The following KLHL1 variants were observed in gnomAD, a reference collection of about 807,000 sequenced individuals.
KLHL1 encodes kelch-like protein 1.
In KLHL1, 47 loss-of-function variants were observed where a neutral mutation model predicts 77.7. The observed-to-expected ratio is 0.60, with a 90% CI of 0.48 to 0.77. The LOEUF (loss-of-function observed/expected upper bound fraction) is 0.77. KLHL1 is among the 30% of genes least tolerant of loss of function. The pLI, the probability that KLHL1 is intolerant of heterozygous loss-of-function variation, is 0.00. For missense variants in KLHL1, 925 were observed against 910.8 expected, an observed-to-expected ratio of 1.02 and a Z score of -0.20; for synonymous variants, 360 against 325.2, an observed-to-expected ratio of 1.11 and a Z score of -1.15.
chr13:69,737,624 C>T lies in KLHL1; in HGVS notation c.1802+2770G>A, dbSNP rs1225573665. Among the ~76,000 whole-genome samples, 3 of 152,134 alleles carry T rather than the reference C, an allele frequency of 2.0e-5. No individual in the cohort carries two copies. The East Asian group carries it at 5.8e-4, about 29-fold the overall frequency. On this transcript the variant is annotated intron_variant, in intron 8 of 10. Coordinates refer to ENST00000377844, the MANE Select transcript of KLHL1 (RefSeq NM_020866.3). ...GGGGAACACAGTGACTGGGTCAGTT[C>T]GTGGCCAGACTGCTTCTTTAAGCAG... is the stretch of plus-strand genomic sequence containing the variant.
chr13:69,703,170 A>G (rs567200784), intron 10 of KLHL1, among the ~76,000 whole-genome samples: 2 of 151,800 alleles, frequency 1.3e-5, no homozygotes, highest in Admixed American at 6.6e-5. Flanking sequence ...AACCACATAT[A>G]CAATGGTGGT....
intron 1 of KLHL1, among the ~76,000 whole-genome samples, chr13:70,099,335 G>A (rs990881742): frequency 7.3e-5 from 11 of 151,452 alleles, no homozygotes; most frequent in African/African-American, 2.7e-4. Context: ...ACTTCCCATT[G>A]TTCATCTAGT....
chr13:70,018,821 G>A (rs1057473921), intron 1 of KLHL1, among the ~76,000 whole-genome samples: 22 of 152,106 alleles, frequency 1.4e-4, no homozygotes, highest in African/African-American at 5.1e-4. Flanking sequence ...TCTCAAGTGA[G>A]AAAAATATAG....
Position 69,991,392 on chromosome 13 carries a change from GACA to G in KLHL1, c.498-15593_498-15591del, listed in dbSNP as rs952815552. On this transcript the variant is annotated intron_variant, in intron 1 of 10. Transcript: ENST00000377844. ...TTGGTTCTTTGAAAACAACAACAATGACAACAACAACAACAACAAAAAACAGGA... is the reference window on the plus strand; with the variant it reads ...TTGGTTCTTTGAAAACAACAACAATGACAACAACAACAACAAAAAACAGGA... 6.4e-3 allele frequency among the ~76,000 whole-genome samples: 972 copies of G among 150,830 alleles called. 9 individuals carry two copies. Among genetic ancestry groups the G allele is most frequent in the African/African-American group, 0.022 (907 of 41,186 alleles).
intron 1 of KLHL1, among the ~76,000 whole-genome samples, chr13:70,106,925 G>C (rs1036474896): frequency 2.0e-5 from 3 of 152,186 alleles, no homozygotes; most frequent in African/African-American, 7.2e-5. Context: ...AGGAATATGA[G>C]AACTATTCCA....
chr13:69,864,261 A>G (rs117772842), intron 5 of KLHL1, among the ~76,000 whole-genome samples: 2,516 of 152,102 alleles, frequency 0.017, 26 homozygotes, highest in Middle Eastern at 0.045. Flanking sequence ...AGTCTGTGCT[A>G]TTAAAGCACT....
intron 1 of KLHL1, among the ~76,000 whole-genome samples, chr13:70,097,441 G>T (rs535878714): frequency 6.6e-6 from 1 of 151,970 alleles, no homozygotes; most frequent in East Asian, 1.9e-4. Flanking sequence ...AAAAGAACCA[G>T]CTGTCTAACA....
intron 5 of KLHL1, among the ~76,000 whole-genome samples, chr13:69,870,701 C>T (rs1880548289): frequency 6.6e-6 from 1 of 151,630 alleles, no homozygotes. Flanking sequence ...ATTCCCATTC[C>T]AAAAGAGACA....
intron 1 of KLHL1, among the ~76,000 whole-genome samples, chr13:70,058,706 AT>A (rs1886804862): frequency 6.6e-6 from 1 of 152,210 alleles, no homozygotes; most frequent in South Asian, 2.1e-4. Flanking sequence ...AACAGAAAAA[AT>A]AATCCTAAAA....
intron 7 of KLHL1, among the ~76,000 whole-genome samples, chr13:69,789,889 G>A (rs749852507): frequency 2.6e-5 from 4 of 152,050 alleles, no homozygotes; most frequent in African/African-American, 9.7e-5. Flanking sequence ...AAGTAAGTTT[G>A]GAGGAGAATG....
At chr13:69,901,787 C>CTTTTTTTTTTTTTTT (rs1237100844) in intron 4 of KLHL1, among the ~76,000 whole-genome samples, 1 of 80,144 alleles carries the variant, frequency 1.2e-5, no homozygotes, top group Non-Finnish European at 2.5e-5. Flanking sequence ...CTTTCTTTTT[C>CTTTTTTTTTTTTTTT]TTTTTTTCTT....
rs71196263 is a variant in KLHL1 at position 69,764,929 on chromosome 13, C to CTTTTTTTTTTTTT, written c.1640-24386_1640-24374dup. On this transcript the variant is annotated intron_variant, in intron 7 of 10. Transcript: ENST00000377844. ...TCTCATGCTTTCATGTATATCTTTGCTTTTTTTTTTTTTTTTTTTTTTTTT... is the reference window on the plus strand; with the variant it reads ...TCTCATGCTTTCATGTATATCTTTGCTTTTTTTTTTTTTTTTTTTTTTTTTTTTTTTTTTTTTT... Among the ~76,000 whole-genome samples the CTTTTTTTTTTTTT allele has an allele frequency of 2.0e-3, 79 of 39,726 alleles. 34 individuals are homozygous for CTTTTTTTTTTTTT. The highest frequency in any genetic ancestry group is 2.4e-3 in the Non-Finnish European group (54 of 22,404). The allele number at this position is 39,726 out of a possible 152,430, so 26.1% of individuals were successfully genotyped here.
intron 1 of KLHL1, among the ~76,000 whole-genome samples, chr13:70,047,715 A>G (rs2137387661): frequency 6.6e-6 from 1 of 152,334 alleles, no homozygotes; most frequent in South Asian, 2.1e-4. Flanking sequence ...TTTTAAAAAA[A>G]ACACAATTAC....
At chr13:69,879,245 T>TATATATATAAA (rs2138190780) in intron 5 of KLHL1, among the ~76,000 whole-genome samples, 1 of 152,264 alleles carries the variant, frequency 6.6e-6, no homozygotes, top group South Asian at 2.1e-4. Flanking sequence ...ATTACTTCAG[T>TATATATATAAA]AGTATATAAT....
At chr13:69,890,233 A>G (rs1400594631) in intron 4 of KLHL1, among the ~76,000 whole-genome samples, 2 of 59,784 alleles carry the variant, frequency 3.3e-5, no homozygotes, top group Non-Finnish European at 6.0e-5. Flanking sequence ...TGCAATAACA[A>G]TTTCCAAAAA....
At position 70,027,652 on chromosome 13, in the gene KLHL1, G is replaced by GTT. The variant is rs10667717; in HGVS notation, c.498-51852_498-51851dup. Among the ~76,000 whole-genome samples the GTT allele has an allele frequency of 3.5e-4, 48 of 135,834 alleles. 1 individual carries two copies. Among genetic ancestry groups the GTT allele is most frequent in the African/African-American group, 4.7e-4 (17 of 36,478 alleles). 89.1% of individuals were successfully genotyped at this position (135,834 alleles called of 152,430 possible). ...ATTTTTGAAGCGCAAAATGTAAGTT[G>GTT]TTTTTTTTTTTTTATGAACTGAACA... On this transcript the variant is annotated intron_variant, in intron 1 of 10. Coordinates refer to ENST00000377844, the MANE Select transcript of KLHL1 (RefSeq NM_020866.3).
chr13:69,956,065 A>G (rs1883870067), intron 3 of KLHL1, among the ~76,000 whole-genome samples: 1 of 103,894 alleles, frequency 9.6e-6, no homozygotes, highest in Admixed American at 1.0e-4. Flanking sequence ...ATATTTATAT[A>G]TTTATTTGAT....
At chr13:69,833,211 A>G (rs192426115) in intron 6 of KLHL1, among the ~76,000 whole-genome samples, 2 of 152,346 alleles carry the variant, frequency 1.3e-5, no homozygotes, top group Admixed American at 6.5e-5. Flanking sequence ...TATGCATCTG[A>G]TAAAGGACAA....
chr13:69,735,488 A>T (rs1332864440), intron 8 of KLHL1, among the ~76,000 whole-genome samples: 3 of 150,192 alleles, frequency 2.0e-5, no homozygotes, highest in African/African-American at 7.3e-5. Flanking sequence ...AATATAACAT[A>T]TGCATTTAGT....
Sources: allele counts gnomAD v4.1 joint callset (sites outside exome capture counted in the v4.1 genomes callset), GRCh38; gene constraint gnomAD v4.1.1; transcripts MANE v1.5; gene names NCBI Gene and HGNC (gene_info 2026-07-23, HGNC 2026-07-21).